BLTP1: variants seen among roughly 807,000 people sequenced by gnomAD.
BLTP1 encodes fragile site-associated protein.
At chr4:122,220,358 G>A in the BLTP1 span, 2 of 1,613,096 alleles carry the variant, frequency 1.2e-6, no homozygotes, top group Non-Finnish European at 1.7e-6. Flanking sequence ...GGTCCTGAAT[G>A]CCCTACAGCT....
the BLTP1 span, chr4:122,301,132 A>G: frequency 1.4e-6 from 1 of 709,902 alleles, no homozygotes; most frequent in Non-Finnish European, 1.7e-6. Flanking sequence ...ATGCAGAATT[A>G]TCCCTATCTT....
the BLTP1 span, among the ~76,000 whole-genome samples, chr4:122,184,233 G>C: frequency 6.6e-6 from 1 of 152,146 alleles, no homozygotes; most frequent in East Asian, 1.9e-4. Context: ...AGACTGAAAA[G>C]AACGTGGCTC....
the BLTP1 span, chr4:122,273,119 G>A: frequency 0.25 from 175,752 of 690,592 alleles, 22,961 homozygotes; most frequent in African/African-American, 0.32. Context: ...TTCTGGTTGT[G>A]AAAATAACCT....
the BLTP1 span, chr4:122,289,854 T>TA: frequency 2.2e-6 from 2 of 927,874 alleles, no homozygotes; most frequent in Non-Finnish European, 2.6e-6. Context: ...GGTATTCACT[T>TA]ACAATTTTGA....
At chr4:122,280,775 A>C in the BLTP1 span, among the ~76,000 whole-genome samples, 3 of 152,096 alleles carry the variant, frequency 2.0e-5, no homozygotes, top group Admixed American at 2.0e-4. Flanking sequence ...AGGTGCCTCA[A>C]AGCTGATTTT....
the BLTP1 span, chr4:122,291,881 T>A: frequency 1.1e-6 from 1 of 931,776 alleles, no homozygotes; most frequent in Non-Finnish European, 1.3e-6. Context: ...TAAACTTTTC[T>A]TTCTGAAACT....
chr4:122,350,406 A>G, the BLTP1 span: 1 of 984,346 alleles, frequency 1.0e-6, no homozygotes, highest in Non-Finnish European at 1.2e-6. Context: ...TTATTAGGTG[A>G]TAAGCAGGTC....
the BLTP1 span, among the ~76,000 whole-genome samples, chr4:122,321,366 T>C: frequency 6.6e-6 from 1 of 152,140 alleles, no homozygotes. Flanking sequence ...CTGTCATTCA[T>C]TTCTCTTATA....
At chr4:122,182,529 C>T in the BLTP1 span, 1 of 426,352 alleles carries the variant, frequency 2.3e-6, no homozygotes, top group South Asian at 9.8e-5. Flanking sequence ...CATCTGAGCT[C>T]CCCTCCGCTC....
the BLTP1 span, among the ~76,000 whole-genome samples, chr4:122,340,422 AT>A: frequency 6.6e-6 from 1 of 152,126 alleles, no homozygotes; most frequent in Non-Finnish European, 1.5e-5. Flanking sequence ...TTTGGGTCCT[AT>A]TTTTAGAGAG....
the BLTP1 span, chr4:122,184,690 A>T: frequency 1.0e-6 from 1 of 985,332 alleles, no homozygotes; most frequent in Non-Finnish European, 1.2e-6. Flanking sequence ...TAAGAAAAAA[A>T]GGTAAAAATG....
chr4:122,220,445 A>G, the BLTP1 span: 7 of 1,611,920 alleles, frequency 4.3e-6, no homozygotes, highest in East Asian at 1.6e-4. Context: ...TCACCCCTGA[A>G]TGTGTTTGTC....
the BLTP1 span, chr4:122,305,422 T>G: frequency 1.0e-6 from 1 of 955,266 alleles, no homozygotes; most frequent in African/African-American, 1.8e-5. Context: ...TCACAGCTTA[T>G]TGGAGATTTT....
chr4:122,163,597 G>T, the BLTP1 span, among the ~76,000 whole-genome samples: 1 of 152,180 alleles, frequency 6.6e-6, no homozygotes, highest in East Asian at 1.9e-4. Context: ...ATACAATTCA[G>T]TATCTATGAT....
chr4:122,207,360 C>G, the BLTP1 span: 1 of 1,379,524 alleles, frequency 7.2e-7, no homozygotes, highest in Non-Finnish European at 9.8e-7. Context: ...TTAACAGATA[C>G]TAGAAGTTAT....
At chr4:122,328,051 C>G in the BLTP1 span, 1 of 1,300,382 alleles carries the variant, frequency 7.7e-7, no homozygotes. Flanking sequence ...TATATTTTTT[C>G]TTTTTTTAAT....
At chr4:122,258,560 T>C in the BLTP1 span, 3 of 1,065,736 alleles carry the variant, frequency 2.8e-6, no homozygotes, top group African/African-American at 3.3e-5. Context: ...AGTGAGAGGA[T>C]TGGGGTGGGG....
the BLTP1 span, chr4:122,344,035 C>T: frequency 1.0e-6 from 1 of 964,176 alleles, no homozygotes; most frequent in African/African-American, 1.8e-5. Flanking sequence ...TTCATTGTCA[C>T]TTTGAAGAGC....
At chr4:122,309,494 T>C in the BLTP1 span, 2 of 1,580,100 alleles carry the variant, frequency 1.3e-6, no homozygotes, top group Non-Finnish European at 1.7e-6. Context: ...ATATACAGTT[T>C]AGAACTTAAA....
Sources: gnomAD v4.1 joint callset for allele counts (sites outside exome capture counted in the v4.1 genomes callset) on GRCh38, gnomAD v4.1.1 for gene constraint, MANE v1.5 for transcripts, NCBI Gene and HGNC (gene_info 2026-07-23, HGNC 2026-07-21) for gene names.